Variants in DNAH5 observed in about 807,000 individuals in gnomAD.
DNAH5 encodes dynein axonemal heavy chain 5.
A neutral mutation model predicts 518.2 loss-of-function variants in DNAH5; 372 were observed. That is an observed-to-expected ratio of 0.72 (90% confidence interval 0.66 to 0.78). The LOEUF (loss-of-function observed/expected upper bound fraction) is 0.78. Among genes scored for constraint, DNAH5 ranks in the 30% least tolerant of loss-of-function variants. The probability of loss-of-function intolerance (pLI) is 0.00; values close to 1 mark genes in which losing one functional copy is unlikely to be tolerated. For synonymous variants in DNAH5, 2,039 were observed against 2,025.9 expected, an observed-to-expected ratio of 1.01 and a Z score of -0.17; for missense variants, 5,523 against 5,687.0, an observed-to-expected ratio of 0.97 and a Z score of 0.93.
intron 24 of DNAH5, among the ~76,000 whole-genome samples, chr5:13,868,544 G>A (rs375218367): frequency 3.9e-5 from 6 of 152,292 alleles, no homozygotes; most frequent in African/African-American, 1.4e-4. Flanking sequence ...AGGTTAAAAT[G>A]AGGCTAAGGT....
At chr5:13,705,423 C>A (rs537783012) in intron 76 of DNAH5, among the ~76,000 whole-genome samples, 29 of 152,306 alleles carry the variant, frequency 1.9e-4, no homozygotes, top group Admixed American at 3.9e-4. Context: ...GCATACATAT[C>A]TTTCAAAACA....
intron 49 of DNAH5, 75 bp from the exon 50 acceptor site, chr5:13,792,292 T>C (rs2043101862): frequency 1.6e-6 from 2 of 1,289,850 alleles, no homozygotes; most frequent in Middle Eastern, 1.8e-4. Flanking sequence ...CATTATAGCA[T>C]AGGGTTTGCA....
chr5:13,921,446 C>CTG (rs1244675124), intron 5 of DNAH5, among the ~76,000 whole-genome samples: 1 of 144,432 alleles, frequency 6.9e-6, no homozygotes, highest in East Asian at 2.1e-4. Context: ...GTCTCTCTCT[C>CTG]TCTCTCTCTC....
chr5:13,835,656 C>T (rs1764285479), intron 35 of DNAH5, among the ~76,000 whole-genome samples: 1 of 152,104 alleles, frequency 6.6e-6, no homozygotes, highest in Admixed American at 6.5e-5. Context: ...CAAACCAAAA[C>T]CCTAAGCCCT....
chr5:13,714,745 G>T, intron 74 of DNAH5, 125 bp from the exon 75 acceptor site: 1 of 890,282 alleles, frequency 1.1e-6, no homozygotes, highest in Non-Finnish European at 1.8e-6. Flanking sequence ...TTGGTGTCAA[G>T]CTACAAACTC....
At chr5:13,735,417 G>T in intron 67 of DNAH5, 96 bp from the exon 68 acceptor site, 1 of 1,207,452 alleles carries the variant, frequency 8.3e-7, no homozygotes, top group Non-Finnish European at 1.2e-6. Context: ...TAACTTTGGA[G>T]GAAGAATTCT....
Position 13,959,574 on chromosome 5 carries a change from G to A in DNAH5, c.13-28330C>T, listed in dbSNP as rs145884620. Among the ~76,000 whole-genome samples the A allele has an allele frequency of 1.6e-3, 249 of 152,316 alleles. 1 individual carries two copies. The highest frequency in any genetic ancestry group is 5.6e-3 in the African/African-American group (233 of 41,568). ...TTGAGAAAAGGATTGGGGCCACCAA[G>A]GCAGAGAAAAGGTGGGACCTGGAGG... On this transcript the variant is annotated intron_variant, in intron 1 of 78. Transcript: ENST00000681290.
At chr5:13,851,252 T>C (rs1481307560) in intron 30 of DNAH5, among the ~76,000 whole-genome samples, 1 of 152,226 alleles carries the variant, frequency 6.6e-6, no homozygotes, top group Non-Finnish European at 1.5e-5. Context: ...AACTGGAATA[T>C]TGTAAAAAAA....
chr5:13,884,167 T>C (rs1772053849), intron 19 of DNAH5, among the ~76,000 whole-genome samples: 1 of 152,098 alleles, frequency 6.6e-6, no homozygotes, highest in Non-Finnish European at 1.5e-5. Context: ...AGTACTAAAT[T>C]AGCATAAAAA....
chr5:13,880,885 C>G (rs1771575898), intron 21 of DNAH5, among the ~76,000 whole-genome samples: 1 of 151,716 alleles, frequency 6.6e-6, no homozygotes. Context: ...CATAGAGTGG[C>G]CAAATGAACT....
At chr5:13,881,856 C>T (rs959274472) in intron 21 of DNAH5, among the ~76,000 whole-genome samples, 1 of 151,826 alleles carries the variant, frequency 6.6e-6, no homozygotes, top group Non-Finnish European at 1.5e-5. Flanking sequence ...GAAATAGAAA[C>T]TAGAAAAACA....
chr5:13,784,930 C>A (rs1251034461), intron 52 of DNAH5, among the ~76,000 whole-genome samples: 2 of 152,116 alleles, frequency 1.3e-5, no homozygotes. Context: ...CAGTCCCTAA[C>A]CTTTTTGGCA....
Position 13,839,357 on chromosome 5 carries a change from T to C in DNAH5, c.5881A>G (p.Arg1961Gly). The C allele has an allele frequency of 1.2e-6, 2 of 1,613,996 alleles. No homozygotes were observed. The highest frequency in any genetic ancestry group is 1.7e-6 in the Non-Finnish European group (2 of 1,179,864). The change falls in exon 35 of 79, where the codon AGA (arginine) becomes GGA (glycine). Residue 1961 changes from arginine (R) to glycine (G), a missense_variant and splice_region_variant. Transcript: ENST00000265104. The stretch of plus-strand genomic sequence containing the variant: ...GGTTGGGGAGAAGGGTTCCATCACC[T>C]GTCTGTAAGTGGAGTTATTACAAGC... ...DRLVITPLTD[R>G]CYITLAQALG...
rs1304969618 is a variant in DNAH5 at position 13,729,563 on chromosome 5, T to C, written c.11762-3A>G. 6.2e-7 allele frequency: 1 copy of C among 1,608,426 alleles called. No individual in the cohort carries two copies. Among genetic ancestry groups the C allele is most frequent in the East Asian group, 2.2e-5 (1 of 44,688 alleles). The stretch of plus-strand genomic sequence containing the variant: ...TTTAAGGTCTAATGAGGCACCTCCT[T>C]TAAAATTAAATATTAAATTATCAGA... On this transcript the variant is annotated splice_region_variant and splice_polypyrimidine_tract_variant and intron_variant, in intron 68 of 78. Transcript: ENST00000265104.
At chr5:13,921,755 C>CCA (rs1187602733) in intron 5 of DNAH5, among the ~76,000 whole-genome samples, 2 of 148,520 alleles carry the variant, frequency 1.3e-5, no homozygotes, top group Non-Finnish European at 3.0e-5. Context: ...CACACACCCC[C>CCA]CCACACACAC....
intron 1 of DNAH5, among the ~76,000 whole-genome samples, chr5:13,940,000 T>C (rs1361571969): frequency 1.3e-5 from 2 of 152,162 alleles, no homozygotes; most frequent in African/African-American, 2.4e-5. Context: ...AACTTTGGCA[T>C]CCTGTCTATT....
chr5:14,008,281 GA>G (rs1417698773), intron 1 of DNAH5, among the ~76,000 whole-genome samples: 1 of 67,188 alleles, frequency 1.5e-5, no homozygotes, highest in Non-Finnish European at 2.8e-5. Flanking sequence ...GAGAGGGAAA[GA>G]GGAAGAAATG....
At chr5:13,851,771 G>A (rs1766879651) in intron 30 of DNAH5, among the ~76,000 whole-genome samples, 1 of 151,990 alleles carries the variant, frequency 6.6e-6, no homozygotes, top group South Asian at 2.1e-4. Context: ...AGAAAAACAT[G>A]GGAATCCTGG....
At chr5:13,877,280 G>A (rs900082238) in intron 21 of DNAH5, among the ~76,000 whole-genome samples, 2 of 152,138 alleles carry the variant, frequency 1.3e-5, no homozygotes, top group African/African-American at 4.8e-5. Context: ...GAAAAGCCCT[G>A]TTCAAACAGT....
Sources: allele counts gnomAD v4.1 joint callset (sites outside exome capture counted in the v4.1 genomes callset), GRCh38; gene constraint gnomAD v4.1.1; transcripts MANE v1.5; gene names NCBI Gene and HGNC (gene_info 2026-07-23, HGNC 2026-07-21).